The following GPATCH2 variants were observed in gnomAD, a reference collection of about 807,000 sequenced individuals.
GPATCH2 encodes the protein G-patch domain containing 2.
In GPATCH2, 51 loss-of-function variants were observed where a neutral mutation model predicts 58.0. The observed-to-expected ratio is 0.88, with a 90% CI of 0.70 to 1.11. The LOEUF is 1.11. Among genes scored for constraint, GPATCH2 ranks in the 50% most tolerant of loss-of-function variants. The pLI is 0.00. For synonymous variants in GPATCH2, 222 were observed against 218.5 expected, an observed-to-expected ratio of 1.02 and a Z score of -0.14; for missense variants, 625 against 652.2, an observed-to-expected ratio of 0.96 and a Z score of 0.45.
chr1:217,582,323 C>T (rs1667117347), intron 5 of GPATCH2, among the ~76,000 whole-genome samples: 1 of 151,952 alleles, frequency 6.6e-6, no homozygotes, highest in Non-Finnish European at 1.5e-5. Flanking sequence ...TAAATAATAA[C>T]TTATAATTCC....
At chr1:217,548,246 C>T (rs1665163524) in intron 5 of GPATCH2, among the ~76,000 whole-genome samples, 1 of 151,968 alleles carries the variant, frequency 6.6e-6, no homozygotes, top group Non-Finnish European at 1.5e-5. Context: ...AAAACAGACA[C>T]TGGGGCCTAT....
At chr1:217,462,003 TGGGA>T in intron 8 of GPATCH2, among the ~76,000 whole-genome samples, 1 of 152,164 alleles carries the variant, frequency 6.6e-6, no homozygotes, top group Non-Finnish European at 1.5e-5. Flanking sequence ...GTTCAACAAT[TGGGA>T]GGAAGAGGAT....
chr1:217,437,573 C>T (rs965577031), intron 9 of GPATCH2, among the ~76,000 whole-genome samples: 16 of 152,334 alleles, frequency 1.1e-4, no homozygotes, highest in African/African-American at 3.6e-4. Flanking sequence ...ATTACTGAGG[C>T]TTGAGTAGGC....
Position 217,430,807 on chromosome 1 carries a change from G to T in GPATCH2, c.*338C>A. 7.5e-6 allele frequency: 2 copies of T among 265,112 alleles called. No homozygotes were observed. Among genetic ancestry groups the T allele is most frequent in the South Asian group, 6.1e-5 (1 of 16,394 alleles). The allele number at this position is 265,112 out of a possible 1,614,324, so 16.4% of individuals were successfully genotyped here. On this transcript the variant is annotated 3_prime_UTR_variant, in exon 10 of 10. Coordinates refer to ENST00000366935, the MANE Select transcript of GPATCH2 (RefSeq NM_018040.5). ...TGGTGGGTGTGCTCACGTTTGTCTG[G>T]GCATTGCAGCACTGCACACATACAT...
At chr1:217,455,405 C>T (rs1190023023) in intron 8 of GPATCH2, among the ~76,000 whole-genome samples, 1 of 152,126 alleles carries the variant, frequency 6.6e-6, no homozygotes, top group Non-Finnish European at 1.5e-5. Context: ...ACTCTTGACT[C>T]TATGTTGATT....
chr1:217,558,882 C>T (rs1033207563), intron 5 of GPATCH2, among the ~76,000 whole-genome samples: 5 of 152,262 alleles, frequency 3.3e-5, no homozygotes, highest in Admixed American at 6.5e-5. Flanking sequence ...CTGACTACTA[C>T]TCCTTTTTGC....
intron 5 of GPATCH2, among the ~76,000 whole-genome samples, chr1:217,594,550 A>G (rs1035565009): frequency 6.6e-6 from 1 of 152,132 alleles, no homozygotes; most frequent in Non-Finnish European, 1.5e-5. Flanking sequence ...GTAATTATCT[A>G]TATTTAATCT....
intron 5 of GPATCH2, among the ~76,000 whole-genome samples, chr1:217,577,872 C>A (rs147652486): frequency 6.6e-6 from 1 of 151,952 alleles, no homozygotes; most frequent in African/African-American, 2.4e-5. Flanking sequence ...TTCAGCCACC[C>A]GAGTAGCTGG....
At chr1:217,592,037 AG>A (rs1667620065) in intron 5 of GPATCH2, among the ~76,000 whole-genome samples, 1 of 150,034 alleles carries the variant, frequency 6.7e-6, no homozygotes, top group Non-Finnish European at 1.5e-5. Context: ...CACAACTTAA[AG>A]AAAGAACTAT....
intron 1 of GPATCH2, among the ~76,000 whole-genome samples, chr1:217,622,979 A>G (rs566766561): frequency 2.2e-4 from 33 of 152,328 alleles, no homozygotes; most frequent in African/African-American, 7.9e-4. Context: ...TCTATTATCT[A>G]TGTTATCAAA....
intron 6 of GPATCH2, among the ~76,000 whole-genome samples, chr1:217,502,215 T>C (rs990994110): frequency 6.6e-6 from 1 of 152,086 alleles, no homozygotes; most frequent in African/African-American, 2.4e-5. Flanking sequence ...CCTTTGCTTT[T>C]CCATATACAT....
At chr1:217,551,326 G>T (rs1165299876) in intron 5 of GPATCH2, among the ~76,000 whole-genome samples, 1 of 152,014 alleles carries the variant, frequency 6.6e-6, no homozygotes, top group Non-Finnish European at 1.5e-5. Context: ...TTTAAGAAAG[G>T]GTCTCTGGAG....
chr1:217,608,740 T>A (rs1668480096), intron 5 of GPATCH2: 1 of 982,726 alleles, frequency 1.0e-6, no homozygotes, highest in Non-Finnish European at 1.2e-6. Flanking sequence ...CAAAAGCATT[T>A]ATGTAATTCA....
chr1:217,526,206 GAT>G (rs1491372009), intron 5 of GPATCH2, among the ~76,000 whole-genome samples: 1 of 152,150 alleles, frequency 6.6e-6, no homozygotes, highest in African/African-American at 2.4e-5. Context: ...GAAAAATGCT[GAT>G]AGTCTCAACA....
chr1:217,524,725 GCAGCGCGCACCTGCAAT>G (rs1309836845), intron 5 of GPATCH2, among the ~76,000 whole-genome samples: 1 of 150,686 alleles, frequency 6.6e-6, no homozygotes, highest in Non-Finnish European at 1.5e-5. Context: ...GTCAGGCGTG[GCAGCGCGCACCTGCAAT>G]TGCAGGCACT....
At chr1:217,547,823 C>T (rs1030129127) in intron 5 of GPATCH2, among the ~76,000 whole-genome samples, 1 of 152,068 alleles carries the variant, frequency 6.6e-6, no homozygotes, top group Non-Finnish European at 1.5e-5. Flanking sequence ...TACCATGTGT[C>T]AGAGGAGGTC....
intron 9 of GPATCH2, among the ~76,000 whole-genome samples, chr1:217,442,716 A>G (rs1470307583): frequency 6.6e-6 from 1 of 152,196 alleles, no homozygotes; most frequent in Non-Finnish European, 1.5e-5. Context: ...TCTTTGGCTA[A>G]TATTTAAATT....
At chr1:217,472,978 G>A (rs562440511) in intron 8 of GPATCH2, among the ~76,000 whole-genome samples, 23 of 152,168 alleles carry the variant, frequency 1.5e-4, no homozygotes, top group African/African-American at 5.5e-4. Context: ...TATAACCCAG[G>A]GCATGCTAAC....
chr1:217,534,723 G>T (rs1312623154), intron 5 of GPATCH2, among the ~76,000 whole-genome samples: 1 of 152,066 alleles, frequency 6.6e-6, no homozygotes, highest in Non-Finnish European at 1.5e-5. Context: ...ATTCTCACTG[G>T]GTTACCAGAT....
Sources: gnomAD v4.1 joint callset for allele counts (sites outside exome capture counted in the v4.1 genomes callset) on GRCh38, gnomAD v4.1.1 for gene constraint, MANE v1.5 for transcripts, NCBI Gene and HGNC (gene_info 2026-07-23, HGNC 2026-07-21) for gene names.